Variants in RHBDL3 observed in about 807,000 individuals in gnomAD.
RHBDL3 encodes rhomboid like 3.
A neutral mutation model predicts 48.2 loss-of-function variants in RHBDL3; 28 were observed. That is an observed-to-expected ratio of 0.58 (90% CI 0.43 to 0.80). The LOEUF is 0.80. Ranked by LOEUF, RHBDL3 falls within the 30% of genes least tolerant of loss-of-function variation. The pLI is 0.00. For synonymous variants in RHBDL3, 208 were observed against 232.3 expected (o/e 0.90, Z 0.95); for missense variants, 464 against 542.7 (o/e 0.85, Z 1.44).
chr17:32,293,173 A>AGG (rs56795296), intron 4 of RHBDL3, among the ~76,000 whole-genome samples: 157 of 102,598 alleles, frequency 1.5e-3, no homozygotes, highest in African/African-American at 5.0e-3. Flanking sequence ...GGCTGGAGGG[A>AGG]GGGGGTGGGG....
At chr17:32,289,910 A>G (rs1190565726) in intron 4 of RHBDL3, among the ~76,000 whole-genome samples, 1 of 152,192 alleles carries the variant, frequency 6.6e-6, no homozygotes, top group Non-Finnish European at 1.5e-5. Flanking sequence ...TTTTCTTCTA[A>G]GTCAGAATAT....
At chr17:32,279,097 A>T (rs1597621494) in intron 2 of RHBDL3, among the ~76,000 whole-genome samples, 1 of 152,190 alleles carries the variant, frequency 6.6e-6, no homozygotes, top group African/African-American at 2.4e-5. Context: ...ACTACACCCC[A>T]GCCTGGGCAA....
At chr17:32,267,119 G>C (rs538086471) in intron 1 of RHBDL3, among the ~76,000 whole-genome samples, 2 of 152,180 alleles carry the variant, frequency 1.3e-5, no homozygotes, top group African/African-American at 4.8e-5. Context: ...CTCCCTCAGG[G>C]TGGGGAGATG....
chr17:32,284,336 G>A lies in RHBDL3; in HGVS notation c.136-323G>A, dbSNP rs191646557. The A allele has an allele frequency of 1.5e-3, 341 of 222,790 alleles. 1 individual carries two copies. Among genetic ancestry groups the A allele is most frequent in the African/African-American group, 6.9e-3 (302 of 43,756 alleles). The allele number at this position is 222,790 out of a possible 1,614,324, so 13.8% of individuals were successfully genotyped here. The stretch of plus-strand genomic sequence containing the variant: ...CTCTCACCCGTCCCAGGCCCCAGAA[G>A]TTTCTCATCTTCCTGCACTCATTGC... On this transcript the variant is annotated intron_variant, in intron 2 of 8. Coordinates refer to ENST00000269051, the MANE Select transcript of RHBDL3 (RefSeq NM_138328.3).
intron 6 of RHBDL3, among the ~76,000 whole-genome samples, chr17:32,299,637 A>G (rs939842299): frequency 1.3e-5 from 2 of 152,216 alleles, no homozygotes; most frequent in Non-Finnish European, 2.9e-5. Context: ...AATAACCTAG[A>G]AGACAAAAAT....
rs370514139 is a variant in RHBDL3 at position 32,288,844 on chromosome 17, G to T, written c.347G>T (p.Arg116Leu). 9.9e-6 allele frequency: 16 copies of T among 1,613,874 alleles called. No individual in the cohort carries two copies. In the Admixed American group the frequency reaches 1.5e-4, roughly 15 times the overall value. The change falls in exon 4 of 9, where the codon CGC (arginine) becomes CTC (leucine). Residue 116 changes from arginine (R) to leucine (L), a missense_variant. Arg to Leu is a moderately radical substitution (Grantham distance 102, BLOSUM62 -2). Transcript: ENST00000269051. ...CGCCAAGCCATCCTGCAGGGCAACC[G>T]CAGGCTAAGCAGCAAGGCCCTGCTG... ...SFRQAILQGN[R>L]RLSSKALLEE...
At chr17:32,311,549 G>A (rs1046555317) in intron 7 of RHBDL3, among the ~76,000 whole-genome samples, 2 of 152,236 alleles carry the variant, frequency 1.3e-5, no homozygotes, top group African/African-American at 2.4e-5. Context: ...TTCACTCACT[G>A]TGACCTTGAA....
chr17:32,303,238 G>A (rs28441012), intron 6 of RHBDL3, among the ~76,000 whole-genome samples: 4,909 of 152,260 alleles, frequency 0.032, 264 homozygotes, highest in African/African-American at 0.11. Flanking sequence ...GGGCAGGGGC[G>A]AGGGAGTGGA....
In RHBDL3 at chr17:32,288,869, G is replaced by A; in HGVS notation, c.372G>A (p.Leu124=). ...GCAGGCTAAGCAGCAAGGCCCTGCT[G>A]GAGGAGAAGGGGCTGAGCCTCTCGC... ...GNRRLSSKAL[L]EEKGLSLSQR... Residue 124 remains leucine, a synonymous_variant, in exon 4 of 9, where the codon CTG becomes CTA. Coordinates refer to ENST00000269051, the MANE Select transcript of RHBDL3 (RefSeq NM_138328.3). 6.2e-7 allele frequency: 1 copy of A among 1,614,194 alleles called. No homozygotes were observed. Among genetic ancestry groups the A allele is most frequent in the Non-Finnish European group, 8.5e-7 (1 of 1,180,028 alleles).
chr17:32,270,102 G>T (rs1374823963), intron 2 of RHBDL3, among the ~76,000 whole-genome samples: 1 of 140,458 alleles, frequency 7.1e-6, no homozygotes, highest in Non-Finnish European at 1.5e-5. Context: ...GAGACAGGAG[G>T]ATGGCCTCCC....
intron 1 of RHBDL3, among the ~76,000 whole-genome samples, chr17:32,267,068 T>C: frequency 6.6e-6 from 1 of 151,908 alleles, no homozygotes; most frequent in South Asian, 2.1e-4. Context: ...AACCTACACA[T>C]AGGGGTGAAA....
chr17:32,288,598 A>G (rs1295907670), intron 3 of RHBDL3, among the ~76,000 whole-genome samples, 194 bp from the exon 4 acceptor site: 1 of 152,196 alleles, frequency 6.6e-6, no homozygotes, highest in East Asian at 1.9e-4. Flanking sequence ...ATGAGCCAAA[A>G]GACGTGAAGG....
intron 3 of RHBDL3, among the ~76,000 whole-genome samples, chr17:32,287,096 C>CT (rs1333974133): frequency 3.3e-5 from 5 of 152,136 alleles, no homozygotes; most frequent in Admixed American, 6.6e-5. Context: ...TGATGGCACC[C>CT]TTTTTTACTG....
In RHBDL3 at chr17:32,304,441, G is replaced by A. The variant is rs116915775; in HGVS notation, c.782-900G>A. ...GAGTGCAGGCTTTGGTCAAGAACACGGGTGGGTTTTGCATCAGGCAGACCC... is the reference window on the plus strand; with the variant it reads ...GAGTGCAGGCTTTGGTCAAGAACACAGGTGGGTTTTGCATCAGGCAGACCC... On this transcript the variant is annotated intron_variant, in intron 6 of 8. Coordinates refer to ENST00000269051, the MANE Select transcript of RHBDL3 (RefSeq NM_138328.3). Among the ~76,000 whole-genome samples the A allele has an allele frequency of 4.8e-3, 736 of 152,266 alleles. 5 individuals carry two copies. The highest frequency in any genetic ancestry group is 0.034 in the Middle Eastern group (10 of 294).
chr17:32,276,546 G>A (rs1191185312), intron 2 of RHBDL3, among the ~76,000 whole-genome samples: 1 of 152,136 alleles, frequency 6.6e-6, no homozygotes, highest in Non-Finnish European at 1.5e-5. Flanking sequence ...CGTTAATTCT[G>A]CTCTGCTCAG....
chr17:32,279,395 G>A lies in RHBDL3; in HGVS notation c.136-5264G>A, dbSNP rs2039988372. ...CTCAGTGCCCTCCCCAGCACCTCTG[G>A]GCCTTGGAGGCCCCATAGCCCCTAG... On this transcript the variant is annotated intron_variant, in intron 2 of 8. Coordinates refer to ENST00000269051, the MANE Select transcript of RHBDL3 (RefSeq NM_138328.3). Among the ~76,000 whole-genome samples, 3 of 152,240 alleles carry A rather than the reference G, an allele frequency of 2.0e-5. No individual in the cohort carries two copies. In the South Asian group the frequency reaches 6.2e-4, roughly 32 times the overall value.
At chr17:32,274,829 T>C (rs2039856452) in intron 2 of RHBDL3, among the ~76,000 whole-genome samples, 1 of 151,922 alleles carries the variant, frequency 6.6e-6, no homozygotes, top group Non-Finnish European at 1.5e-5. Context: ...TGAGTGTGCA[T>C]GTGTGTGTAT....
intron 7 of RHBDL3, among the ~76,000 whole-genome samples, chr17:32,307,890 C>T (rs911130092): frequency 6.6e-6 from 1 of 152,132 alleles, no homozygotes; most frequent in Non-Finnish European, 1.5e-5. Flanking sequence ...TGCTAACCTC[C>T]TCCCTCCCAT....
At chr17:32,300,553 CAAAAAAGA>C (rs955954542) in intron 6 of RHBDL3, among the ~76,000 whole-genome samples, 4 of 151,474 alleles carry the variant, frequency 2.6e-5, no homozygotes, top group Admixed American at 2.0e-4. Context: ...GAACCTGTCT[CAAAAAAGA>C]AAAAAAGAAA....
Sources: allele counts gnomAD v4.1 joint callset (sites outside exome capture counted in the v4.1 genomes callset), GRCh38; gene constraint gnomAD v4.1.1; transcripts MANE v1.5; gene names NCBI Gene and HGNC (gene_info 2026-07-23, HGNC 2026-07-21).